Variants in BRD4 observed in about 807,000 individuals in gnomAD.
The protein encoded by BRD4 is bromodomain-containing protein 4.
Under a neutral mutation model 142.1 loss-of-function variants are expected in BRD4, and 16 were observed. The observed-to-expected ratio is 0.11, with a 90% CI of 0.08 to 0.17. The LOEUF (loss-of-function observed/expected upper bound fraction) is 0.17. Among genes scored for constraint, BRD4 ranks in the 10% least tolerant of loss-of-function variants. BRD4 has a pLI of 1.00. For synonymous variants in BRD4, 833 were observed against 707.5 expected (o/e 1.18, Z -2.82); for missense variants, 1,424 against 1,810.9 (o/e 0.79, Z 3.88).
rs1228472151 is a variant in BRD4 at position 15,236,165 on chromosome 19, TAGG to T, written c.*2209_*2211del. On this transcript the variant is annotated 3_prime_UTR_variant, in exon 20 of 20. Coordinates refer to ENST00000679869, the MANE Select transcript of BRD4 (RefSeq NM_001379291.1). ...CCTTTCAGGTCAAAAAGAGGGGATGTAGGAGAATAAACAGTGCTAGAAATGTTT... is the reference window on the plus strand; with the variant it reads ...CCTTTCAGGTCAAAAAGAGGGGATGTAGAATAAACAGTGCTAGAAATGTTT... The T allele has an allele frequency of 3.9e-5, 6 of 152,188 alleles. No homozygotes were observed. The highest frequency in any genetic ancestry group is 2.6e-4 in the Admixed American group (4 of 15,286). 9.4% of individuals were successfully genotyped at this position (152,188 alleles called of 1,614,324 possible). A position where few individuals can be genotyped will look rare whatever the true frequency, so the allele number is the denominator to read the frequency against.
intron 1 of BRD4, among the ~76,000 whole-genome samples, chr19:15,325,440 A>T (rs2048098968): frequency 6.6e-6 from 1 of 152,196 alleles, no homozygotes; most frequent in Non-Finnish European, 1.5e-5. Context: ...ACTTGATTTC[A>T]GGAAACAAAG....
At chr19:15,276,815 G>A (rs751894633) in intron 1 of BRD4, among the ~76,000 whole-genome samples, 1 of 152,186 alleles carries the variant, frequency 6.6e-6, no homozygotes, top group Non-Finnish European at 1.5e-5. Context: ...CGGTTGACAT[G>A]GCATTCTCCC....
intron 1 of BRD4, among the ~76,000 whole-genome samples, chr19:15,291,689 GCTTA>G (rs2047783019): frequency 6.6e-6 from 1 of 152,106 alleles, no homozygotes; most frequent in African/African-American, 2.4e-5. Flanking sequence ...GGGGCTTGTG[GCTTA>G]CTTAAAACCA....
At chr19:15,270,044 T>C (rs561358797) in intron 2 of BRD4, among the ~76,000 whole-genome samples, 8 of 152,318 alleles carry the variant, frequency 5.3e-5, no homozygotes, top group Non-Finnish European at 7.4e-5. Flanking sequence ...GACCCACCGA[T>C]AGCCAAACTT....
At chr19:15,297,694 C>T (rs1323483879) in intron 1 of BRD4, among the ~76,000 whole-genome samples, 1 of 152,168 alleles carries the variant, frequency 6.6e-6, no homozygotes, top group Admixed American at 6.5e-5. Flanking sequence ...GGGAGATGCC[C>T]CACCTGCTGG....
At chr19:15,325,470 G>A (rs970217898) in intron 1 of BRD4, among the ~76,000 whole-genome samples, 3 of 152,070 alleles carry the variant, frequency 2.0e-5, no homozygotes, top group African/African-American at 4.8e-5. Flanking sequence ...GGGCAGGAGA[G>A]GGTAGAAAAG....
rs2047545975 is a variant in BRD4, at chr19:15,267,507, G to A, written c.468C>T (p.Leu156=). 2.5e-6 allele frequency: 4 copies of A among 1,613,998 alleles called. No homozygotes were observed. Among genetic ancestry groups the A allele is most frequent in the Non-Finnish European group, 2.5e-6 (3 of 1,180,010 alleles). The change falls in exon 4 of 20, where the codon CTC becomes CTT. Residue 156 remains leucine (L), a synonymous_variant. Transcript: ENST00000679869. ...GTAGCTCATTTATTTTTTGCAAGAA[G>A]AGCTTTTCCAGAGCTTCTGCCATTA... is the stretch of plus-strand genomic sequence containing the variant. The part of the protein sequence containing the change: ...IVLMAEALEK[L]FLQKINELPT...
In BRD4 at chr19:15,238,700, G is replaced by A; in HGVS notation, c.4020+43C>T. The A allele has an allele frequency of 2.0e-6, 3 of 1,469,392 alleles. No homozygotes were observed. Among genetic ancestry groups the A allele is most frequent in the African/African-American group, 1.4e-5 (1 of 70,632 alleles). The allele number at this position is 1,469,392 out of a possible 1,614,324, so 91.0% of individuals were successfully genotyped here. On this transcript the variant is annotated intron_variant, in intron 19 of 19. Transcript: ENST00000679869. This position sits in a 1 kb window ranked among gnomAD's most constrained non-coding sequence, Gnocchi z 7.2. ...TCCCCCTTTCCCAGCTCCCTCAGGA[G>A]CTAATCCTTAGACCAGGGTCCCCAC...
rs770044101 is a variant in BRD4, at chr19:15,244,455, G to C, written c.2357C>G (p.Pro786Arg). ...PPPPPPPPSM[P>R]QQAAPAMKSS... ...CTTCATCGCCGGGGCTGCCTGCTGC[G>C]GCATGGAGGGTGGGGGAGGCGGGGG... is the stretch of plus-strand genomic sequence containing the variant. Residue 786 changes from proline (P) to arginine (R), a missense_variant, in exon 13 of 20, where the codon CCG (proline) becomes CGG (arginine). Around this residue, in one of 16 missense-constraint regions of BRD4, gnomAD observed 598 missense variants for 647.8 expected, o/e 0.92. Coordinates refer to ENST00000679869, the MANE Select transcript of BRD4 (RefSeq NM_001379291.1). 1 of 1,551,026 alleles carries C rather than the reference G, an allele frequency of 6.4e-7. No homozygotes were observed. Among genetic ancestry groups the C allele is most frequent in the South Asian group, 1.2e-5 (1 of 85,186 alleles).
chr19:15,253,720 C>T, intron 11 of BRD4: 4 of 1,598,458 alleles, frequency 2.5e-6, no homozygotes, highest in Non-Finnish European at 3.4e-6. Context: ...GAAGCGGCCG[C>T]ACTGCACGTG....
Position 15,243,134 on chromosome 19 carries a change from G to A in BRD4, c.2935C>T (p.Pro979Ser). 1.6e-6 allele frequency: 2 copies of A among 1,267,020 alleles called. No individual in the cohort carries two copies. The highest frequency in any genetic ancestry group is 2.1e-6 in the Non-Finnish European group (2 of 943,436). The allele number at this position is 1,267,020 out of a possible 1,614,324, so 78.5% of individuals were successfully genotyped here. ...QLQQQPPPPP[P>S]PQPQPPPQQQ... Reference sequence around the variant, plus strand: ...TGGGGTGGAGGCTGGGGCTGGGGTGGTGGGGGTGGTGGCGGCTGCTGCTGC... The same window carrying A: ...TGGGGTGGAGGCTGGGGCTGGGGTGATGGGGGTGGTGGCGGCTGCTGCTGC... Residue 979 changes from proline to serine, a missense_variant, in exon 14 of 20, where the codon CCA (proline) becomes TCA (serine). Physicochemically the swap from Pro to Ser is moderately conservative, Grantham distance 74. Transcript: ENST00000679869.
intron 1 of BRD4, among the ~76,000 whole-genome samples, chr19:15,327,626 C>G (rs2048120242): frequency 6.6e-6 from 1 of 151,952 alleles, no homozygotes; most frequent in African/African-American, 2.4e-5. Context: ...GAAAACAACC[C>G]AAATGTTCAC....
intron 1 of BRD4, among the ~76,000 whole-genome samples, chr19:15,307,273 AT>A (rs2047922429): frequency 6.6e-6 from 1 of 152,150 alleles, no homozygotes; most frequent in Non-Finnish European, 1.5e-5. Flanking sequence ...GGTAGGAGCA[AT>A]TCCCTCTGCT....
At chr19:15,266,501 T>C (rs376964573) in intron 4 of BRD4, among the ~76,000 whole-genome samples, 4 of 152,330 alleles carry the variant, frequency 2.6e-5, no homozygotes, top group South Asian at 4.1e-4. Context: ...CACGTCTGTC[T>C]GCCCAGCGTG....
chr19:15,302,494 C>T (rs910003021), intron 1 of BRD4, among the ~76,000 whole-genome samples: 1 of 152,038 alleles, frequency 6.6e-6, no homozygotes, highest in Non-Finnish European at 1.5e-5. Context: ...CATGGCAAAA[C>T]CCTGTCTCTA....
intron 10 of BRD4, 106 bp from the exon 11 acceptor site, chr19:15,254,368 C>G: frequency 1.0e-6 from 1 of 986,922 alleles, no homozygotes; most frequent in Non-Finnish European, 1.6e-6. Flanking sequence ...AGTGAGGAGC[C>G]TGTGCACGGT....
chr19:15,327,822 G>A (rs903281512), intron 1 of BRD4, among the ~76,000 whole-genome samples: 1 of 146,350 alleles, frequency 6.8e-6, no homozygotes, highest in African/African-American at 2.5e-5. Flanking sequence ...ATAACAGGCA[G>A]ATCCATAGAG....
At chr19:15,282,875 G>A (rs991801954) in intron 1 of BRD4, among the ~76,000 whole-genome samples, 4 of 152,168 alleles carry the variant, frequency 2.6e-5, no homozygotes, top group African/African-American at 7.2e-5. Flanking sequence ...GCTCAGGTGG[G>A]AGCATTGCTT....
chr19:15,257,080 C>T lies in BRD4; in HGVS notation c.1435G>A (p.Val479Ile), dbSNP rs1474077072. 1.2e-6 allele frequency: 2 copies of T among 1,606,942 alleles called. No homozygotes were observed. Among genetic ancestry groups the T allele is most frequent in the East Asian group, 2.2e-5 (1 of 44,640 alleles). ...SSPAVPPPTKVVAPPSSSDSS... is the reference protein window; with the variant it reads ...SSPAVPPPTKIVAPPSSSDSS... ...TCGCTGGATGAGGGCGGGGCCACAA[C>T]CTTGGTGGGAGGGGGCACTGCCGGG... is the stretch of plus-strand genomic sequence containing the variant. Residue 479 changes from valine to isoleucine, a missense_variant, in exon 8 of 20, where the codon GTT (valine) becomes ATT (isoleucine). Physicochemically the swap from Val to Ile is conservative, Grantham distance 29 (BLOSUM62 3). Around this residue, in one of 16 missense-constraint regions of BRD4, gnomAD observed 90 missense variants for 93.2 expected, o/e 0.97. Transcript: ENST00000679869.
Sources: gnomAD v4.1 joint callset for allele counts (sites outside exome capture counted in the v4.1 genomes callset) on GRCh38, gnomAD v4.1.1 for gene constraint, gnomAD v4.1.1 regional missense constraint, Gnocchi (gnomAD v3.1) non-coding constraint, MANE v1.5 for transcripts, NCBI Gene and HGNC (gene_info 2026-07-23, HGNC 2026-07-21) for gene names.